Variants in RALGPS1 observed in about 807,000 individuals in gnomAD.
RALGPS1 encodes the protein Ral GEF with PH domain and SH3 binding motif 1, also known as ras-specific guanine nucleotide-releasing factor RalGPS1.
RALGPS1 carries 19 observed loss-of-function variants against 78.8 expected under a neutral mutation model. The observed-to-expected ratio is 0.24, with a 90% CI of 0.17 to 0.35. The LOEUF (loss-of-function observed/expected upper bound fraction) is 0.35. Ranked by LOEUF, RALGPS1 falls within the 10% of genes least tolerant of loss-of-function variation. RALGPS1 has a pLI of 1.00. For missense variants in RALGPS1, 454 were observed against 688.3 expected (o/e 0.66, Z 3.81); for synonymous variants, 228 against 256.3 (o/e 0.89, Z 1.06).
At chr9:127,173,647 C>T (rs2139847562) in intron 10 of RALGPS1, among the ~76,000 whole-genome samples, 1 of 152,294 alleles carries the variant, frequency 6.6e-6, no homozygotes, top group African/African-American at 2.4e-5. Flanking sequence ...GGCCAGTCCT[C>T]ATAGCATGTC....
chr9:127,107,774 C>G (rs2054362321), intron 8 of RALGPS1: 1 of 842,440 alleles, frequency 1.2e-6, no homozygotes. Context: ...GCAGCTCAGC[C>G]CAAGGGATTG....
At chr9:127,032,395 G>T (rs900275685) in intron 4 of RALGPS1, among the ~76,000 whole-genome samples, 1 of 151,644 alleles carries the variant, frequency 6.6e-6, no homozygotes, top group African/African-American at 2.4e-5. Context: ...ACACACACAT[G>T]ACTTCTGCTA....
chr9:127,202,451 G>A (rs571318890), intron 14 of RALGPS1, among the ~76,000 whole-genome samples: 9 of 152,296 alleles, frequency 5.9e-5, no homozygotes, highest in South Asian at 2.1e-4. Context: ...AGCCCACTGA[G>A]GCCTGCGGAG....
intron 14 of RALGPS1, among the ~76,000 whole-genome samples, chr9:127,201,913 C>A (rs569100824): frequency 6.6e-6 from 1 of 152,360 alleles, no homozygotes; most frequent in Non-Finnish European, 1.5e-5. Flanking sequence ...GGCCGCACCG[C>A]TCGAGCAGAC....
Position 126,990,049 on chromosome 9 carries a change from C to G in RALGPS1, c.216+12304C>G, listed in dbSNP as rs750893538. On this transcript the variant is annotated intron_variant, in intron 4 of 18. Coordinates refer to ENST00000259351, the MANE Select transcript of RALGPS1 (RefSeq NM_014636.3). ...ATGCCGTTTGCCTGCTCTGAAGAAG[C>G]GGGCGTTCCAGAAAGCCGAGGTCAA... 38 of 1,541,938 alleles carry G rather than the reference C, an allele frequency of 2.5e-5. 1 individual carries two copies. The South Asian group carries it at 2.7e-4, about 11-fold the overall frequency.
intron 1 of RALGPS1, among the ~76,000 whole-genome samples, chr9:126,916,235 G>C (rs772450593): frequency 2.0e-5 from 3 of 152,222 alleles, no homozygotes; most frequent in Non-Finnish European, 4.4e-5. Context: ...TCTTTTCGCA[G>C]TTTGGGATGA....
At chr9:127,154,792 T>C (rs949718625) in intron 8 of RALGPS1, among the ~76,000 whole-genome samples, 3 of 152,188 alleles carry the variant, frequency 2.0e-5, no homozygotes, top group African/African-American at 4.8e-5. Flanking sequence ...GAAAATACTT[T>C]GGCGACTGAA....
intron 1 of RALGPS1, among the ~76,000 whole-genome samples, chr9:126,915,832 C>T (rs1410375964): frequency 7.5e-6 from 1 of 133,708 alleles, no homozygotes; most frequent in Non-Finnish European, 1.6e-5. Flanking sequence ...AATGTGTGTG[C>T]TTGAAGAGTA....
chr9:127,039,194 T>A (rs1314363724), intron 5 of RALGPS1, among the ~76,000 whole-genome samples: 1 of 151,972 alleles, frequency 6.6e-6, no homozygotes, highest in East Asian at 1.9e-4. Flanking sequence ...TGCTGACATT[T>A]AAGGGATGGG....
At chr9:127,081,083 G>A (rs1018858012) in intron 8 of RALGPS1, among the ~76,000 whole-genome samples, 4 of 152,194 alleles carry the variant, frequency 2.6e-5, no homozygotes, top group East Asian at 1.9e-4. Context: ...CAACTTTACA[G>A]TGCCTACTGC....
chr9:126,937,481 A>G (rs1351922091), intron 1 of RALGPS1, among the ~76,000 whole-genome samples: 1 of 152,218 alleles, frequency 6.6e-6, no homozygotes, highest in Non-Finnish European at 1.5e-5. Flanking sequence ...GGTTGCCTAT[A>G]ATAATGCCTG....
intron 8 of RALGPS1, among the ~76,000 whole-genome samples, chr9:127,163,087 G>GT (rs1343906848): frequency 1.3e-5 from 2 of 152,148 alleles, no homozygotes; most frequent in Non-Finnish European, 2.9e-5. Flanking sequence ...CTGCTCTCCA[G>GT]TTTCTCTGCT....
At chr9:127,184,315 G>T in intron 11 of RALGPS1, 14 of 313,878 alleles carry the variant, frequency 4.5e-5, no homozygotes, top group East Asian at 7.9e-5. Context: ...GCAAGACCTT[G>T]TCTCAGGAAA....
At chr9:127,126,201 C>T (rs1169207939) in intron 8 of RALGPS1, among the ~76,000 whole-genome samples, 1 of 149,502 alleles carries the variant, frequency 6.7e-6, no homozygotes, top group Non-Finnish European at 1.5e-5. Context: ...TTTCTGTTGT[C>T]TTCTGACCAA....
chr9:127,210,539 GT>G (rs2062185719), intron 14 of RALGPS1: 1 of 618,582 alleles, frequency 1.6e-6, no homozygotes. Flanking sequence ...TGCTTGTAGT[GT>G]GGCCGAGGAG....
At position 126,962,263 on chromosome 9, in the gene RALGPS1, C is replaced by T. The variant is rs1164675645; in HGVS notation, c.-27C>T. On this transcript the variant is annotated 5_prime_UTR_variant, in exon 2 of 19. Transcript: ENST00000259351. ...AGGTTATGTTACCTGCAGAGGCTGC[C>T]CTGAAGCTCCCTGTGGCCTGGAGAC... is the stretch of plus-strand genomic sequence containing the variant. 4 of 1,613,698 alleles carry T rather than the reference C, an allele frequency of 2.5e-6. No homozygotes were observed. In the South Asian group the frequency reaches 4.4e-5, roughly 18 times the overall value.
chr9:127,185,170 A>T (rs569731639), intron 11 of RALGPS1, among the ~76,000 whole-genome samples: 1 of 152,218 alleles, frequency 6.6e-6, no homozygotes, highest in South Asian at 2.1e-4. Context: ...TGTGGTGTCA[A>T]GTCTTGGCCA....
At chr9:127,151,036 T>C (rs1165178882) in intron 8 of RALGPS1, among the ~76,000 whole-genome samples, 1 of 151,768 alleles carries the variant, frequency 6.6e-6, no homozygotes, top group Non-Finnish European at 1.5e-5. Flanking sequence ...CAAAAAAAAT[T>C]AGCTGGGTAT....
chr9:126,941,124 A>T (rs988133263), intron 1 of RALGPS1, among the ~76,000 whole-genome samples: 1 of 86,380 alleles, frequency 1.2e-5, no homozygotes, highest in Admixed American at 1.0e-4. Flanking sequence ...AGGACTTCTC[A>T]TATACGCCCC....
Sources: allele counts gnomAD v4.1 joint callset (sites outside exome capture counted in the v4.1 genomes callset), GRCh38; gene constraint gnomAD v4.1.1; transcripts MANE v1.5; gene names NCBI Gene and HGNC (gene_info 2026-07-23, HGNC 2026-07-21).